The following VPS39 variants were observed in gnomAD, a reference collection of about 807,000 sequenced individuals.
VPS39 encodes the protein vam6/Vps39-like protein.
Under a neutral mutation model 121.0 loss-of-function variants are expected in VPS39, and 70 were observed. The observed-to-expected ratio is 0.58, with a 90% confidence interval of 0.48 to 0.71. VPS39 has a LOEUF of 0.71. VPS39 is among the 30% of genes least tolerant of loss of function. The pLI is 0.00. For missense variants in VPS39, 818 were observed against 1,051.5 expected, an observed-to-expected ratio of 0.78 and a Z score of 3.07; for synonymous variants, 378 against 398.1, an observed-to-expected ratio of 0.95 and a Z score of 0.60.
chr15:42,164,235 G>A lies in VPS39; in HGVS notation c.2026+123C>T, dbSNP rs1350099490. 7.1e-6 allele frequency: 10 copies of A among 1,413,208 alleles called. No individual in the cohort carries two copies. The East Asian group carries it at 1.6e-4, about 23-fold the overall frequency. The allele number at this position is 1,413,208 out of a possible 1,614,324, so 87.5% of individuals were successfully genotyped here. A position where few individuals can be genotyped will look rare whatever the true frequency, so the allele number is the denominator to read the frequency against. ...CAGAGAGGACAAAACAGGAGCACTG[G>A]CCTGAAATGCCTGGTTTTTCCAGGC... On this transcript the variant is annotated intron_variant, in intron 19 of 24. Transcript: ENST00000318006.
chr15:42,187,504 C>A, intron 6 of VPS39, 141 bp from the exon 7 acceptor site: 1 of 799,540 alleles, frequency 1.3e-6, no homozygotes, highest in Non-Finnish European at 2.0e-6. Context: ...GGCCAGGAAA[C>A]TACCCTTAAT....
At chr15:42,190,462 G>C (rs992352320) in intron 4 of VPS39, among the ~76,000 whole-genome samples, 1 of 152,154 alleles carries the variant, frequency 6.6e-6, no homozygotes, top group African/African-American at 2.4e-5. Flanking sequence ...TCCAGAAAAG[G>C]CCTCACTGGC....
chr15:42,200,126 G>C (rs927771966), intron 1 of VPS39, among the ~76,000 whole-genome samples, 165 bp from the exon 2 acceptor site: 4 of 152,066 alleles, frequency 2.6e-5, no homozygotes, highest in African/African-American at 9.7e-5. Context: ...GCAAAGCTAA[G>C]AAATGTTTAT....
chr15:42,183,997 G>A (rs1270494615), intron 8 of VPS39, among the ~76,000 whole-genome samples: 2 of 147,078 alleles, frequency 1.4e-5, no homozygotes, highest in African/African-American at 5.1e-5. Flanking sequence ...AGCACCTAAT[G>A]CGTAGAATAG....
intron 20 of VPS39, 115 bp downstream of exon 20, chr15:42,163,511 G>A (rs1011046503): frequency 2.1e-5 from 32 of 1,536,390 alleles, no homozygotes; most frequent in African/African-American, 5.4e-5. Flanking sequence ...GGGCCAGGAC[G>A]GAGGCGATTC....
chr15:42,169,933 G>C, intron 11 of VPS39, 67 bp from the exon 12 acceptor site: 2 of 1,453,930 alleles, frequency 1.4e-6, no homozygotes, highest in East Asian at 2.4e-5. Flanking sequence ...AATAAAACAG[G>C]ACTATTACTA....
At chr15:42,183,000 T>A (rs779835263) in intron 8 of VPS39, among the ~76,000 whole-genome samples, 1 of 152,210 alleles carries the variant, frequency 6.6e-6, no homozygotes, top group Admixed American at 6.5e-5. Flanking sequence ...TGACTATCCA[T>A]AATCCTGGGC....
intron 2 of VPS39, among the ~76,000 whole-genome samples, chr15:42,196,740 T>C (rs1161685707): frequency 6.6e-6 from 1 of 152,138 alleles, no homozygotes; most frequent in East Asian, 1.9e-4. Context: ...TGTAAACTAG[T>C]TCAACCATTG....
chr15:42,198,577 T>C (rs1595683518), intron 2 of VPS39, among the ~76,000 whole-genome samples: 2 of 152,276 alleles, frequency 1.3e-5, no homozygotes, highest in African/African-American at 4.8e-5. Flanking sequence ...CTGGCCTCAA[T>C]CATTCCTCCT....
intron 13 of VPS39, among the ~76,000 whole-genome samples, chr15:42,167,151 T>A (rs77990113): frequency 6.6e-6 from 1 of 152,264 alleles, no homozygotes; most frequent in East Asian, 1.9e-4. Flanking sequence ...CAGCTGACTT[T>A]GTAGCACTAA....
At chr15:42,191,919 C>A (rs907770862) in intron 2 of VPS39, 1 of 919,442 alleles carries the variant, frequency 1.1e-6, no homozygotes, top group South Asian at 1.6e-5. Flanking sequence ...TATAAGAGCC[C>A]AAGCCATGAA....
At position 42,178,270 on chromosome 15, in the gene VPS39, T is replaced by C; in HGVS notation, c.908A>G (p.Gln303Arg). The C allele has an allele frequency of 6.2e-7, 1 of 1,614,164 alleles. No homozygotes were observed. Among genetic ancestry groups the C allele is most frequent in the South Asian group, 1.1e-5 (1 of 91,084 alleles). ...WRLIPVPMAT[Q>R]IQQLLQDKQF... is the part of the protein sequence containing the mutation. ...CTTGTCCTGGAGAAGTTGTTGGATT[T>C]GGGTTGCCATGGGGACAGGGATGAG... The change falls in exon 10 of 25, where the codon CAA becomes CGA. Residue 303 changes from glutamine (Q) to arginine (R), a missense_variant. Gln to Arg is a conservative substitution (Grantham distance 43). Transcript: ENST00000318006.
chr15:42,185,628 G>C, intron 7 of VPS39, among the ~76,000 whole-genome samples: 1 of 152,120 alleles, frequency 6.6e-6, no homozygotes, highest in South Asian at 2.1e-4. Flanking sequence ...AAAGAAGCCA[G>C]ACTCAAAAGC....
At chr15:42,189,071 T>G in intron 5 of VPS39, 43 bp downstream of exon 5, 1 of 1,405,564 alleles carries the variant, frequency 7.1e-7, no homozygotes, top group Non-Finnish European at 1.0e-6. Context: ...AAAGACTGTA[T>G]TGATTAAAGC....
intron 12 of VPS39, among the ~76,000 whole-genome samples, 182 bp from the exon 13 acceptor site, chr15:42,167,719 A>T (rs528425008): frequency 6.6e-6 from 1 of 152,182 alleles, no homozygotes; most frequent in African/African-American, 2.4e-5. Context: ...TTGAATATTT[A>T]CTACAGACCA....
In VPS39 at chr15:42,166,498, A is replaced by C. The variant is rs1412160162; in HGVS notation, c.1606+65T>G. On this transcript the variant is annotated intron_variant, in intron 15 of 24. Transcript: ENST00000318006. ...AGGGGAGCAACCAACCAGAAACAGA[A>C]ACAGAGGGAGACCAGGTCATTTGAA... The C allele has an allele frequency of 1.9e-6, 3 of 1,569,950 alleles. No individual in the cohort carries two copies. The African/African-American group carries it at 4.1e-5, about 21-fold the overall frequency.
intron 21 of VPS39, 199 bp from the exon 22 acceptor site, chr15:42,162,680 T>G (rs1474937801): frequency 1.8e-6 from 1 of 553,454 alleles, no homozygotes; most frequent in Non-Finnish European, 2.8e-6. Flanking sequence ...GCTTTTTCCC[T>G]GAGAGAAAAA....
At position 42,187,848 on chromosome 15, in the gene VPS39, C is replaced by T. The variant is rs114676397; in HGVS notation, c.351G>A (p.Glu117=). Residue 117 remains glutamate, a synonymous_variant, in exon 6 of 25, where the codon GAG becomes GAA. Transcript: ENST00000318006. The part of the protein sequence containing the change: ...SLFTCDLQHT[E]TGEEVLRMCV... ...ACATCCGTAACACCTCCTCACCGGT[C>T]TCTGTGTGCTGGGAGGAGACATGCA... 2.6e-3 allele frequency: 4,215 copies of T among 1,614,164 alleles called. 95 individuals are homozygous for T. In the African/African-American group the frequency reaches 0.05, roughly 19 times the overall value.
At chr15:42,208,054 C>T (rs1388405687) in intron 1 of VPS39, 27 bp downstream of exon 1, 2 of 1,561,594 alleles carry the variant, frequency 1.3e-6, no homozygotes, top group South Asian at 1.2e-5. Context: ...GCTGACTCCG[C>T]CTCGGCCCCG....
Sources: gnomAD v4.1 joint callset for allele counts (sites outside exome capture counted in the v4.1 genomes callset) on GRCh38, gnomAD v4.1.1 for gene constraint, MANE v1.5 for transcripts, NCBI Gene and HGNC (gene_info 2026-07-23, HGNC 2026-07-21) for gene names.